Variants in ARMC3 observed in about 807,000 individuals in gnomAD.
ARMC3 encodes the protein armadillo repeat containing 3, also known as armadillo repeat-containing protein 3.
A neutral mutation model predicts 90.3 loss-of-function variants in ARMC3; 74 were observed. The observed-to-expected ratio is 0.82, with a 90% confidence interval of 0.68 to 0.99. The LOEUF is 0.99. Among genes scored for constraint, ARMC3 ranks in the 50% least tolerant of loss-of-function variants. The pLI, the probability that ARMC3 is intolerant of heterozygous loss-of-function variation, is 0.00. For synonymous variants in ARMC3, 334 were observed against 361.8 expected (o/e 0.92, Z 0.87); for missense variants, 958 against 1,042.8 (o/e 0.92, Z 1.12).
intron 3 of ARMC3, among the ~76,000 whole-genome samples, 163 bp from the exon 4 acceptor site, chr10:22,955,644 G>A (rs1306376822): frequency 2.0e-5 from 3 of 152,182 alleles, no homozygotes; most frequent in Admixed American, 2.0e-4. Flanking sequence ...AGGAGGAAAT[G>A]TCCGGGATGT....
intron 10 of ARMC3, 144 bp downstream of exon 10, chr10:22,981,844 T>C: frequency 2.9e-6 from 2 of 696,676 alleles, no homozygotes; most frequent in East Asian, 2.7e-5. Context: ...GAATCCCTTA[T>C]GAAACAGAAT....
At chr10:23,018,169 T>G (rs1278131704) in intron 16 of ARMC3, among the ~76,000 whole-genome samples, 1 of 152,212 alleles carries the variant, frequency 6.6e-6, no homozygotes, top group African/African-American at 2.4e-5. Context: ...AGCATTGTGC[T>G]CCTTGGAACT....
chr10:23,018,506 C>A (rs1343748293), intron 16 of ARMC3, among the ~76,000 whole-genome samples: 1 of 140,942 alleles, frequency 7.1e-6, no homozygotes, highest in Non-Finnish European at 1.5e-5. Context: ...TAGACTTGCA[C>A]CTTAGTAATT....
intron 13 of ARMC3, among the ~76,000 whole-genome samples, chr10:23,005,076 G>A (rs887590781): frequency 1.3e-5 from 2 of 152,024 alleles, no homozygotes; most frequent in African/African-American, 4.8e-5. Context: ...AGCCGGGCGT[G>A]GTGGCGGGTG....
At chr10:22,950,368 C>T (rs942856757) in intron 3 of ARMC3, among the ~76,000 whole-genome samples, 3 of 152,018 alleles carry the variant, frequency 2.0e-5, no homozygotes, top group African/African-American at 7.2e-5. Flanking sequence ...TGGAAGTATA[C>T]TATTGTTAGG....
At chr10:22,980,912 C>G (rs1325391806) in intron 8 of ARMC3, among the ~76,000 whole-genome samples, 1 of 152,200 alleles carries the variant, frequency 6.6e-6, no homozygotes, top group African/African-American at 2.4e-5. Context: ...TCGTAAGCAT[C>G]TAGCTCACCA....
chr10:22,973,893 G>T (rs1459921439), intron 8 of ARMC3, among the ~76,000 whole-genome samples: 1 of 150,520 alleles, frequency 6.6e-6, no homozygotes, highest in Non-Finnish European at 1.5e-5. Context: ...CTAGTAGCTG[G>T]GTCTACAGGT....
rs1043766036 is a variant in ARMC3, at chr10:23,007,746, A to G, written c.1830-530A>G. On this transcript the variant is annotated intron_variant, in intron 14 of 18. Coordinates refer to ENST00000298032, the MANE Select transcript of ARMC3 (RefSeq NM_173081.5). ...AGAGAGCGAGAGATCGTGTATATCT[A>G]TATATCCATATAGTAGTTATGTGAT... 9.2e-5 allele frequency among the ~76,000 whole-genome samples: 14 copies of G among 151,880 alleles called. No homozygotes were observed. The East Asian group carries it at 1.5e-3, about 17-fold the overall frequency.
intron 6 of ARMC3, chr10:22,960,595 C>T (rs1835147940): frequency 6.6e-6 from 1 of 152,134 alleles, no homozygotes; most frequent in Non-Finnish European, 1.5e-5. Context: ...TGTTTTAAAT[C>T]CCAAGACTCC....
intron 3 of ARMC3, among the ~76,000 whole-genome samples, chr10:22,951,382 A>G (rs1489973285): frequency 1.3e-5 from 2 of 152,246 alleles, no homozygotes; most frequent in Non-Finnish European, 2.9e-5. Context: ...CAGAAAATAT[A>G]AAAGGATATA....
intron 8 of ARMC3, among the ~76,000 whole-genome samples, chr10:22,979,620 A>G (rs1467949159): frequency 6.6e-6 from 1 of 152,190 alleles, no homozygotes; most frequent in African/African-American, 2.4e-5. Flanking sequence ...TAGAGCCATC[A>G]GGGAAATCTT....
intron 2 of ARMC3, among the ~76,000 whole-genome samples, chr10:22,937,818 G>C (rs538523942): frequency 6.6e-6 from 1 of 152,120 alleles, no homozygotes; most frequent in African/African-American, 2.4e-5. Context: ...CATTTTCCAA[G>C]TACTACCATC....
At chr10:22,961,651 TCA>T (rs1835197581) in intron 6 of ARMC3, 1 of 432,536 alleles carries the variant, frequency 2.3e-6, no homozygotes, top group Non-Finnish European at 4.1e-6. Flanking sequence ...TAGATAAAAG[TCA>T]TAGATCATGT....
At chr10:23,025,808 T>C (rs1002979627) in intron 16 of ARMC3, among the ~76,000 whole-genome samples, 2 of 152,084 alleles carry the variant, frequency 1.3e-5, no homozygotes, top group Non-Finnish European at 2.9e-5. Context: ...AATCTGTTTC[T>C]TTAAAAAGTT....
chr10:22,937,300 T>A (rs944668406), intron 2 of ARMC3, among the ~76,000 whole-genome samples: 1 of 152,250 alleles, frequency 6.6e-6, no homozygotes, highest in South Asian at 2.1e-4. Flanking sequence ...TATTTTCGTA[T>A]ACTCTACCTA....
chr10:22,959,356 A>C, intron 5 of ARMC3, 43 bp from the exon 6 acceptor site: 1 of 1,541,278 alleles, frequency 6.5e-7, no homozygotes, highest in Non-Finnish European at 8.8e-7. Flanking sequence ...TGGCTGAATA[A>C]TAAGCAGTTG....
chr10:23,005,085 T>C (rs375169288), intron 13 of ARMC3, among the ~76,000 whole-genome samples: 20 of 150,970 alleles, frequency 1.3e-4, no homozygotes, highest in Admixed American at 4.6e-4. Context: ...TGGTGGCGGG[T>C]GCCTGTAGTC....
chr10:23,031,877 T>A (rs141046949), intron 17 of ARMC3, among the ~76,000 whole-genome samples: 321 of 152,262 alleles, frequency 2.1e-3, no homozygotes, highest in Admixed American at 4.4e-3. Flanking sequence ...TCTCTCCAAC[T>A]CTTTCTCTCT....
intron 10 of ARMC3, among the ~76,000 whole-genome samples, chr10:22,986,327 G>T (rs1379364149): frequency 3.9e-5 from 6 of 152,018 alleles, no homozygotes; most frequent in Non-Finnish European, 5.9e-5. Flanking sequence ...CAAGGCGGGT[G>T]GATTACTTGA....
Sources: gnomAD v4.1 joint callset for allele counts (sites outside exome capture counted in the v4.1 genomes callset) on GRCh38, gnomAD v4.1.1 for gene constraint, MANE v1.5 for transcripts, NCBI Gene and HGNC (gene_info 2026-07-23, HGNC 2026-07-21) for gene names.